AMPH: variants seen among roughly 807,000 people sequenced by gnomAD.
AMPH encodes amphiphysin.
Under a neutral mutation model 99.1 loss-of-function variants are expected in AMPH, and 49 were observed. That is an observed-to-expected ratio of 0.49 (90% CI 0.39 to 0.63). The LOEUF is 0.63. Ranked by LOEUF, AMPH falls within the 20% of genes least tolerant of loss-of-function variation. The pLI is 0.00. For synonymous variants in AMPH, 314 were observed against 317.3 expected (o/e 0.99, Z 0.11); for missense variants, 759 against 863.4 (o/e 0.88, Z 1.52).
At chr7:38,522,663 G>A (rs1790011884) in intron 2 of AMPH, among the ~76,000 whole-genome samples, 1 of 152,186 alleles carries the variant, frequency 6.6e-6, no homozygotes, top group Non-Finnish European at 1.5e-5. Flanking sequence ...GAGAGCAGGG[G>A]ACCCTGGACT....
chr7:38,453,531 C>T (rs1455512369), intron 11 of AMPH, among the ~76,000 whole-genome samples: 3 of 152,226 alleles, frequency 2.0e-5, no homozygotes, highest in Non-Finnish European at 2.9e-5. Flanking sequence ...ACTTAGGGGA[C>T]TCTCCTGGCA....
chr7:38,491,972 G>A (rs1171499421), intron 4 of AMPH, among the ~76,000 whole-genome samples: 1 of 152,184 alleles, frequency 6.6e-6, no homozygotes, highest in African/African-American at 2.4e-5. Flanking sequence ...CCAGTTATAT[G>A]AGTTGGCAAT....
chr7:38,498,280 T>C (rs1789004617), intron 3 of AMPH, among the ~76,000 whole-genome samples: 2 of 152,154 alleles, frequency 1.3e-5, no homozygotes, highest in African/African-American at 4.8e-5. Flanking sequence ...TCACCTACGA[T>C]TTAGATTAGA....
At chr7:38,401,688 G>C (rs34927712) in intron 17 of AMPH, among the ~76,000 whole-genome samples, 4,297 of 152,060 alleles carry the variant, frequency 0.028, 87 homozygotes, top group South Asian at 0.089. Context: ...CATTTGTAGT[G>C]CTTTCTTATT....
At chr7:38,418,702 T>C (rs1292385634) in intron 16 of AMPH, among the ~76,000 whole-genome samples, 2 of 152,234 alleles carry the variant, frequency 1.3e-5, no homozygotes, top group Non-Finnish European at 2.9e-5. Context: ...TTATTTCATA[T>C]AATAGTTGTT....
At chr7:38,571,921 T>A (rs1175484744) in intron 1 of AMPH, among the ~76,000 whole-genome samples, 1 of 151,738 alleles carries the variant, frequency 6.6e-6, no homozygotes, top group African/African-American at 2.4e-5. Context: ...TTTTTTTTTT[T>A]TGAGATGGAG....
At chr7:38,615,658 T>G (rs552543303) in intron 1 of AMPH, among the ~76,000 whole-genome samples, 5 of 152,262 alleles carry the variant, frequency 3.3e-5, no homozygotes, top group African/African-American at 1.2e-4. Flanking sequence ...TATGCCCCAC[T>G]GAACACTCTG....
At chr7:38,624,061 C>A (rs978890697) in intron 1 of AMPH, among the ~76,000 whole-genome samples, 5 of 151,968 alleles carry the variant, frequency 3.3e-5, no homozygotes, top group African/African-American at 1.2e-4. Context: ...ACGATGAAAC[C>A]CTTATGATAA....
intron 1 of AMPH, among the ~76,000 whole-genome samples, chr7:38,620,667 T>C (rs1794029331): frequency 6.6e-6 from 1 of 152,068 alleles, no homozygotes. Flanking sequence ...AGCATCTTTA[T>C]AGATGGGTGA....
chr7:38,427,062 C>T (rs1785805775), intron 14 of AMPH, 76 bp from the exon 15 acceptor site: 2 of 1,346,602 alleles, frequency 1.5e-6, no homozygotes, highest in Admixed American at 3.5e-5. Flanking sequence ...ATCCATTAGA[C>T]AAGTTGGAAA....
chr7:38,420,902 C>T (rs1785558718), intron 16 of AMPH: 1 of 453,256 alleles, frequency 2.2e-6, no homozygotes, highest in Non-Finnish European at 4.4e-6. Flanking sequence ...TTACCAACTT[C>T]ACCCCCTACC....
rs527687987 is a variant in AMPH, at chr7:38,433,756, A to T, written c.1135-1544T>A. Among the ~76,000 whole-genome samples the T allele has an allele frequency of 2.7e-3, 396 of 149,156 alleles. 1 individual carries two copies. Among genetic ancestry groups the T allele is most frequent in the Non-Finnish European group, 5.1e-3 (342 of 67,314 alleles). ...AAAAAAAAAAAAAAAAGAATCAAAGATCATAAAAGCTAGTGCATGTCTCTG... is the reference window on the plus strand; with the variant it reads ...AAAAAAAAAAAAAAAAGAATCAAAGTTCATAAAAGCTAGTGCATGTCTCTG... On this transcript the variant is annotated intron_variant, in intron 12 of 20. Coordinates refer to ENST00000356264, the MANE Select transcript of AMPH (RefSeq NM_001635.4).
At chr7:38,532,755 A>C (rs1790456307) in intron 2 of AMPH, among the ~76,000 whole-genome samples, 1 of 86,472 alleles carries the variant, frequency 1.2e-5, no homozygotes, top group South Asian at 3.8e-4. Context: ...AAAAAAAAAC[A>C]ATGAAAATTC....
intron 1 of AMPH, among the ~76,000 whole-genome samples, chr7:38,579,747 A>T (rs182954593): frequency 4.6e-5 from 7 of 152,354 alleles, no homozygotes; most frequent in African/African-American, 1.7e-4. Flanking sequence ...AAATAATCAA[A>T]GTTGATCATG....
chr7:38,525,053 G>A (rs1444904567), intron 2 of AMPH, among the ~76,000 whole-genome samples: 3 of 151,772 alleles, frequency 2.0e-5, no homozygotes, highest in South Asian at 4.2e-4. Flanking sequence ...CTTTTTCTAG[G>A]TAAGCCTATG....
At chr7:38,499,903 A>G (rs780368025) in intron 3 of AMPH, among the ~76,000 whole-genome samples, 8 of 151,028 alleles carry the variant, frequency 5.3e-5, no homozygotes, top group Non-Finnish European at 8.8e-5. Flanking sequence ...CCCTGTACAT[A>G]CTCTCCCTTG....
intron 1 of AMPH, among the ~76,000 whole-genome samples, chr7:38,587,273 CTAA>C (rs1792689412): frequency 6.6e-6 from 1 of 152,172 alleles, no homozygotes; most frequent in African/African-American, 2.4e-5. Context: ...GCTCTGGGTG[CTAA>C]TGTTTCCTGG....
chr7:38,429,528 G>A, intron 14 of AMPH: 1 of 1,389,966 alleles, frequency 7.2e-7, no homozygotes, highest in Non-Finnish European at 9.5e-7. Context: ...ACTGTCTGGA[G>A]TTTCCTCCAT....
chr7:38,509,870 T>C (rs1330363065), intron 2 of AMPH, among the ~76,000 whole-genome samples: 1 of 152,170 alleles, frequency 6.6e-6, no homozygotes, highest in Non-Finnish European at 1.5e-5. Context: ...TCTCCTGCTG[T>C]GGGTATAGAT....
Sources: gnomAD v4.1 joint callset for allele counts (sites outside exome capture counted in the v4.1 genomes callset) on GRCh38, gnomAD v4.1.1 for gene constraint, MANE v1.5 for transcripts, NCBI Gene and HGNC (gene_info 2026-07-23, HGNC 2026-07-21) for gene names.